Variants in ABCB7 observed in about 807,000 individuals in gnomAD.
ABCB7 encodes iron-sulfur clusters transporter ABCB7, mitochondrial.
In ABCB7, 7 loss-of-function variants were observed where a neutral mutation model predicts 54.4. The ratio of observed to expected loss-of-function variants is 0.13; its 90% CI spans 0.07 to 0.24. The LOEUF (loss-of-function observed/expected upper bound fraction) is 0.24, where lower values mean the gene tolerates loss of function less well. Ranked by LOEUF, ABCB7 falls within the 10% of genes least tolerant of loss-of-function variation. ABCB7 has a pLI of 1.00. For synonymous variants in ABCB7, 218 were observed against 207.1 expected (o/e 1.05, Z -0.45); for missense variants, 356 against 570.4 (o/e 0.62, Z 3.83).
intron 3 of ABCB7, among the ~76,000 whole-genome samples, chrX:75,099,758 C>A (rs2081623282): frequency 1.8e-5 from 2 of 110,468 alleles, no homozygotes. Flanking sequence ...ACTAAGTAGA[C>A]CAATACATAT....
At chrX:75,092,597 C>A (rs1480169718) in intron 4 of ABCB7, among the ~76,000 whole-genome samples, 1 of 111,220 alleles carries the variant, frequency 9.0e-6, no homozygotes, top group Non-Finnish European at 1.9e-5. Flanking sequence ...TTCTGCTTTA[C>A]AAAAGACACT....
intron 4 of ABCB7, among the ~76,000 whole-genome samples, chrX:75,079,744 G>A (rs1170922658): frequency 1.8e-5 from 2 of 111,421 alleles, no homozygotes; most frequent in South Asian, 3.8e-4. Flanking sequence ...GTGTCTGTCC[G>A]TGTGGTTCTA....
rs1427508305 is a variant in ABCB7 at position 75,052,787 on chromosome X, A to C, written c.*583T>G. ...AATGAGAATCTGTCTCAAAAAAAAAAAACAACAAAAAACAAAAAACAACAA... is the reference window on the plus strand; with the variant it reads ...AATGAGAATCTGTCTCAAAAAAAAACAACAACAAAAAACAAAAAACAACAA... On this transcript the variant is annotated 3_prime_UTR_variant, in exon 16 of 16. Transcript: ENST00000373394. 2 of 97,179 alleles carry C rather than the reference A, an allele frequency of 2.1e-5. No homozygotes were observed. The highest frequency in any genetic ancestry group is 3.9e-4 in the East Asian group (1 of 2,533). 8.0% of individuals were successfully genotyped at this position (97,179 alleles called of 1,213,427 possible).
intron 1 of ABCB7, among the ~76,000 whole-genome samples, chrX:75,146,962 A>G (rs1356774515): frequency 2.7e-5 from 3 of 109,745 alleles, no homozygotes; most frequent in African/African-American, 1.0e-4. Context: ...TAAGGAACTT[A>G]AACAAATTTA....
intron 4 of ABCB7, among the ~76,000 whole-genome samples, chrX:75,079,992 T>G (rs2081442665): frequency 1.8e-5 from 2 of 112,238 alleles, no homozygotes; most frequent in African/African-American, 6.5e-5. Context: ...AGGATCAGCT[T>G]TTGTTTTATT....
intron 4 of ABCB7, among the ~76,000 whole-genome samples, chrX:75,083,194 G>A (rs765079366): frequency 1.8e-4 from 20 of 111,313 alleles, no homozygotes; most frequent in Non-Finnish European, 9.4e-5. Context: ...TATTTCTTGC[G>A]GGAAGAGCTA....
chrX:75,126,161 T>C (rs927306636), intron 1 of ABCB7, among the ~76,000 whole-genome samples: 1 of 110,920 alleles, frequency 9.0e-6, no homozygotes, highest in Non-Finnish European at 1.9e-5. Context: ...ATTTCAAGGG[T>C]AAATAAACTT....
intron 1 of ABCB7, among the ~76,000 whole-genome samples, chrX:75,154,004 T>C (rs1431042644): frequency 9.1e-6 from 1 of 110,016 alleles, no homozygotes; most frequent in Non-Finnish European, 1.9e-5. Flanking sequence ...AGTAATTATT[T>C]TGTAATCTTA....
rs2081272686 is a variant in ABCB7, at chrX:75,060,308, T to A, written c.1958A>T (p.Asp653Val). ...AATAGAAGTTCTGTGTTTGACCACA[T>A]CCTTCATGGCACCAAGAATAGTCTG... ...TEETILGAMK[D>V]VVKHRTSIFI... The change falls in exon 15 of 16, where the codon GAT (aspartate) becomes GTT (valine). Residue 653 changes from aspartate (D) to valine (V), a missense_variant. Asp to Val is a radical substitution (Grantham distance 152, BLOSUM62 -3). Coordinates refer to ENST00000373394, the MANE Select transcript of ABCB7 (RefSeq NM_001271696.3). 8.3e-7 allele frequency: 1 copy of A among 1,206,312 alleles called. No homozygotes were observed. The highest frequency in any genetic ancestry group is 1.7e-5 in the African/African-American group (1 of 57,182).
chrX:75,148,140 A>G (rs750139630), intron 1 of ABCB7, among the ~76,000 whole-genome samples: 18 of 111,571 alleles, frequency 1.6e-4, no homozygotes, highest in African/African-American at 5.9e-4. Context: ...TAAAAAATAA[A>G]CAAATAAAAT....
At position 75,119,660 on chromosome X, in the gene ABCB7, AAT is replaced by A. The variant is rs757577705; in HGVS notation, c.169-4831_169-4830del. On this transcript the variant is annotated intron_variant, in intron 1 of 15. Transcript: ENST00000373394. ...AAAAATCATACAGGAAGCACTGTCAAATATGAAATGGTATTTGGCTTTCTTTG... is the reference window on the plus strand; with the variant it reads ...AAAAATCATACAGGAAGCACTGTCAAATGAAATGGTATTTGGCTTTCTTTG... 2.1e-3 allele frequency among the ~76,000 whole-genome samples: 241 copies of A among 112,140 alleles called. 1 individual carries two copies. Among genetic ancestry groups the A allele is most frequent in the Non-Finnish European group, 3.8e-3 (204 of 53,248 alleles).
rs5981769 is a variant in ABCB7 at position 75,115,058 on chromosome X, T to A, written c.169-227A>T. On this transcript the variant is annotated intron_variant, in intron 1 of 15. Transcript: ENST00000373394. ...GCTAAGGCGGGCGGATCACGAGGTCTGGAGATCGAGACCATCCTGGCCAAC... is the reference window on the plus strand; with the variant it reads ...GCTAAGGCGGGCGGATCACGAGGTCAGGAGATCGAGACCATCCTGGCCAAC... Among the ~76,000 whole-genome samples the A allele has an allele frequency of 0.014, 1,523 of 109,424 alleles. 18 individuals are homozygous for A. The highest frequency in any genetic ancestry group is 0.046 in the African/African-American group (1,384 of 29,995).
At chrX:75,060,360 G>A (rs750737191) in intron 14 of ABCB7, 30 bp from the exon 15 acceptor site, 2 of 1,062,633 alleles carry the variant, frequency 1.9e-6, no homozygotes, top group African/African-American at 3.7e-5. Context: ...AAGAACAGGA[G>A]AAAATAAAAA....
At chrX:75,138,868 C>G (rs752953672) in intron 1 of ABCB7, among the ~76,000 whole-genome samples, 1 of 109,469 alleles carries the variant, frequency 9.1e-6, no homozygotes, top group African/African-American at 3.3e-5. Context: ...ATTAGCTGGG[C>G]GTGGTGGTAT....
intron 3 of ABCB7, among the ~76,000 whole-genome samples, chrX:75,111,524 A>G (rs1351986399): frequency 8.9e-6 from 1 of 112,270 alleles, no homozygotes; most frequent in African/African-American, 3.2e-5. Context: ...AGGTCATTCT[A>G]CTAGCAAGTG....
rs1482742938 is a variant in ABCB7, at chrX:75,058,705, G to A, written c.2043+1518C>T. On this transcript the variant is annotated intron_variant, in intron 15 of 15. Transcript: ENST00000373394. ...ATAACCCAAAACCCAAGTGGCAATG[G>A]TGTAAAATAAGTGTATAGATACTGT... Among the ~76,000 whole-genome samples the A allele has an allele frequency of 2.7e-5, 3 of 111,592 alleles. No individual in the cohort carries two copies. In the East Asian group the frequency reaches 8.4e-4, roughly 31 times the overall value.
chrX:75,083,572 A>G (rs1247966338), intron 4 of ABCB7, among the ~76,000 whole-genome samples: 1 of 110,755 alleles, frequency 9.0e-6, no homozygotes, highest in Non-Finnish European at 1.9e-5. Flanking sequence ...GAAGAGCTTT[A>G]ATAGCTATAG....
At chrX:75,092,374 TG>T (rs998733797) in intron 4 of ABCB7, among the ~76,000 whole-genome samples, 2 of 109,817 alleles carry the variant, frequency 1.8e-5, no homozygotes, top group Non-Finnish European at 3.8e-5. Flanking sequence ...GACATGCCAA[TG>T]GAAAAAAAAA....
chrX:75,124,211 C>T (rs1158709880), intron 1 of ABCB7, among the ~76,000 whole-genome samples: 2 of 111,375 alleles, frequency 1.8e-5, no homozygotes, highest in African/African-American at 6.5e-5. Flanking sequence ...ACCAGCACCA[C>T]CACAAAAAAG....
Sources: allele counts gnomAD v4.1 joint callset (sites outside exome capture counted in the v4.1 genomes callset), GRCh38; gene constraint gnomAD v4.1.1; transcripts MANE v1.5; gene names NCBI Gene and HGNC (gene_info 2026-07-23, HGNC 2026-07-21).